The following TAFA2 variants were observed in gnomAD, a reference collection of about 807,000 sequenced individuals.
TAFA2 encodes TAFA chemokine like family member 2.
A neutral mutation model predicts 18.8 loss-of-function variants in TAFA2; 7 were observed. That is an observed-to-expected ratio of 0.37 (90% CI 0.21 to 0.70). The LOEUF is 0.70. Among genes scored for constraint, TAFA2 ranks in the 30% least tolerant of loss-of-function variants. The probability of loss-of-function intolerance (pLI) is 0.53; values close to 1 mark genes in which losing one functional copy is unlikely to be tolerated. For synonymous variants in TAFA2, 60 were observed against 54.2 expected (o/e 1.11, Z -0.47); for missense variants, 122 against 158.1 (o/e 0.77, Z 1.23).
At chr12:61,906,716 G>C (rs550980889) in intron 1 of TAFA2, among the ~76,000 whole-genome samples, 1 of 152,164 alleles carries the variant, frequency 6.6e-6, no homozygotes, top group African/African-American at 2.4e-5. Flanking sequence ...CCTGGAAACT[G>C]GTTGAATGGC....
intron 2 of TAFA2, among the ~76,000 whole-genome samples, chr12:61,759,522 C>T (rs748316774): frequency 7.2e-5 from 11 of 151,902 alleles, no homozygotes; most frequent in African/African-American, 1.7e-4. Context: ...GACATGGAAC[C>T]GACTCACCAC....
intron 1 of TAFA2, among the ~76,000 whole-genome samples, chr12:61,940,655 C>T (rs975758367): frequency 3.3e-5 from 5 of 152,154 alleles, no homozygotes; most frequent in African/African-American, 9.7e-5. Context: ...GAGTGATACC[C>T]CCAGAATGGG....
At chr12:62,060,989 G>A (rs1882332758) in intron 1 of TAFA2, among the ~76,000 whole-genome samples, 1 of 147,460 alleles carries the variant, frequency 6.8e-6, no homozygotes, top group East Asian at 2.0e-4. Context: ...TTTAAGTAAA[G>A]TGTTATTACC....
At chr12:62,246,266 G>C (rs1311740045) in intron 1 of TAFA2, among the ~76,000 whole-genome samples, 1 of 152,176 alleles carries the variant, frequency 6.6e-6, no homozygotes, top group East Asian at 1.9e-4. Context: ...GATTACAAGC[G>C]TGAGCCACCG....
At chr12:61,852,998 T>A (rs974147638) in intron 2 of TAFA2, among the ~76,000 whole-genome samples, 1 of 152,186 alleles carries the variant, frequency 6.6e-6, no homozygotes. Context: ...CAACTATAGT[T>A]AGCAATGTAT....
chr12:61,742,170 C>A (rs965263228), intron 4 of TAFA2, among the ~76,000 whole-genome samples: 19 of 152,136 alleles, frequency 1.2e-4, no homozygotes, highest in Non-Finnish European at 2.8e-4. Flanking sequence ...GCTGGGATTA[C>A]AGGCATGAGC....
intron 1 of TAFA2, among the ~76,000 whole-genome samples, chr12:61,916,187 A>G (rs1876813856): frequency 6.6e-6 from 1 of 152,192 alleles, no homozygotes; most frequent in Non-Finnish European, 1.5e-5. Context: ...ATCCAAGACT[A>G]AACAAAATTA....
At chr12:61,845,265 C>T (rs938261307) in intron 2 of TAFA2, among the ~76,000 whole-genome samples, 3 of 151,988 alleles carry the variant, frequency 2.0e-5, no homozygotes, top group African/African-American at 7.3e-5. Context: ...ACAGGCCATC[C>T]AAGAAGACTA....
chr12:61,867,041 C>A (rs1458465394), intron 2 of TAFA2, among the ~76,000 whole-genome samples: 1 of 151,892 alleles, frequency 6.6e-6, no homozygotes, highest in African/African-American at 2.4e-5. Context: ...CACTCATTAA[C>A]TCATCATTTA....
intron 1 of TAFA2, among the ~76,000 whole-genome samples, chr12:61,915,434 G>A (rs935452370): frequency 6.6e-6 from 1 of 152,216 alleles, no homozygotes; most frequent in Non-Finnish European, 1.5e-5. Context: ...TCTGAGCCAT[G>A]TGTATTAGCC....
At chr12:61,888,245 A>C (rs150867657) in intron 1 of TAFA2, among the ~76,000 whole-genome samples, 3 of 152,300 alleles carry the variant, frequency 2.0e-5, no homozygotes, top group African/African-American at 7.2e-5. Flanking sequence ...TACCCAAAGG[A>C]CTATAAATCA....
At chr12:62,076,616 C>T (rs2136812334) in intron 1 of TAFA2, among the ~76,000 whole-genome samples, 1 of 152,236 alleles carries the variant, frequency 6.6e-6, no homozygotes, top group East Asian at 1.9e-4. Context: ...CAAGAACCTT[C>T]CAGGAGCATT....
At chr12:62,247,143 C>T (rs1354480163) in intron 1 of TAFA2, among the ~76,000 whole-genome samples, 1 of 152,086 alleles carries the variant, frequency 6.6e-6, no homozygotes, top group East Asian at 1.9e-4. Flanking sequence ...TTATTTCCCC[C>T]TTCTACTCTT....
intron 2 of TAFA2, among the ~76,000 whole-genome samples, chr12:61,818,397 G>C (rs1872174794): frequency 6.6e-6 from 1 of 151,750 alleles, no homozygotes; most frequent in Non-Finnish European, 1.5e-5. Context: ...AAATTGGGAT[G>C]AAATGGACTA....
intron 2 of TAFA2, among the ~76,000 whole-genome samples, chr12:61,816,328 T>A (rs1490757121): frequency 1.3e-5 from 2 of 151,442 alleles, no homozygotes; most frequent in South Asian, 4.1e-4. Context: ...TCCAGCTCCA[T>A]CCATGTTCCT....
intron 2 of TAFA2, among the ~76,000 whole-genome samples, chr12:61,787,173 G>GAA (rs143510641): frequency 2.7e-5 from 4 of 147,102 alleles, no homozygotes; most frequent in African/African-American, 9.9e-5. Flanking sequence ...AATACTGAAA[G>GAA]AAAAAAAAAA....
chr12:62,122,393 A>G (rs78427850), intron 1 of TAFA2, among the ~76,000 whole-genome samples: 2 of 152,300 alleles, frequency 1.3e-5, no homozygotes, highest in East Asian at 3.9e-4. Context: ...AAAAAGTAGG[A>G]TATTTCCTTC....
At chr12:61,964,722 T>C (rs1024899293) in intron 1 of TAFA2, among the ~76,000 whole-genome samples, 5 of 151,842 alleles carry the variant, frequency 3.3e-5, no homozygotes, top group Non-Finnish European at 5.9e-5. Flanking sequence ...CAGTGTGAGG[T>C]ACTATTAATT....
In TAFA2 at chr12:62,242,802, G is replaced by C. The variant is rs565879632; in HGVS notation, c.-130+15961C>G. On this transcript the variant is annotated intron_variant, in intron 1 of 5. Coordinates refer to the TAFA2 transcript ENST00000551619. Reference sequence around the variant, plus strand: ...TAGTCTATAAGGGTTAAAAAGCCAAGCTTCTTAGTTTGAGAAAATACAGTC... The same window carrying C: ...TAGTCTATAAGGGTTAAAAAGCCAACCTTCTTAGTTTGAGAAAATACAGTC... Among the ~76,000 whole-genome samples, 4 of 152,318 alleles carry C rather than the reference G, an allele frequency of 2.6e-5. No homozygotes were observed. In the South Asian group the frequency reaches 8.3e-4, roughly 32 times the overall value.
Sources: allele counts gnomAD v4.1 joint callset (sites outside exome capture counted in the v4.1 genomes callset), GRCh38; gene constraint gnomAD v4.1.1; transcripts MANE v1.5; gene names NCBI Gene and HGNC (gene_info 2026-07-23, HGNC 2026-07-21).